ANTXR2: variants seen among roughly 807,000 people sequenced by gnomAD.
The protein encoded by ANTXR2 is ANTXR cell adhesion molecule 2.
In ANTXR2, 44 loss-of-function variants were observed where a neutral mutation model predicts 73.7. The ratio of observed to expected loss-of-function variants is 0.60; its 90% CI spans 0.47 to 0.77. ANTXR2 has a LOEUF of 0.77. Ranked by LOEUF, ANTXR2 falls within the 30% of genes least tolerant of loss-of-function variation. ANTXR2 has a pLI of 0.00. For synonymous variants in ANTXR2, 217 were observed against 205.9 expected, an observed-to-expected ratio of 1.05 and a Z score of -0.46; for missense variants, 604 against 592.5, an observed-to-expected ratio of 1.02 and a Z score of -0.20.
intron 12 of ANTXR2, among the ~76,000 whole-genome samples, chr4:79,995,052 T>C (rs531807646): frequency 2.0e-5 from 3 of 152,070 alleles, no homozygotes; most frequent in Admixed American, 6.6e-5. Flanking sequence ...CTTCACAGAG[T>C]AGCCCACCAA....
chr4:79,983,714 A>C (rs563993626), intron 14 of ANTXR2, among the ~76,000 whole-genome samples, 164 bp downstream of exon 14: 8 of 152,244 alleles, frequency 5.3e-5, no homozygotes, highest in Admixed American at 3.9e-4. Context: ...TGCAGCGGCT[A>C]GGATGATTCC....
intron 16 of ANTXR2, among the ~76,000 whole-genome samples, chr4:79,924,391 C>G (rs1727703044): frequency 6.6e-6 from 1 of 151,966 alleles, no homozygotes; most frequent in African/African-American, 2.4e-5. Flanking sequence ...TTTGGGAGGC[C>G]TAGGCAGGAG....
chr4:80,000,754 G>C (rs746352869), intron 12 of ANTXR2, among the ~76,000 whole-genome samples: 1 of 152,028 alleles, frequency 6.6e-6, no homozygotes, highest in Non-Finnish European at 1.5e-5. Flanking sequence ...TATAAAACTG[G>C]TACAGCTAAC....
In ANTXR2 at chr4:80,049,379, T is replaced by C. The variant is rs373450865; in HGVS notation, c.636+4893A>G. The stretch of plus-strand genomic sequence containing the variant: ...TCATTTTCAAATATAAGTCATGCAA[T>C]CACCTTCCCAAGAACACAAAAATAA... On this transcript the variant is annotated intron_variant, in intron 7 of 16. Transcript: ENST00000403729. Among the ~76,000 whole-genome samples, 11 of 151,748 alleles carry C rather than the reference T, an allele frequency of 7.2e-5. No homozygotes were observed. In the East Asian group the frequency reaches 9.7e-4, roughly 13 times the overall value.
intron 7 of ANTXR2, among the ~76,000 whole-genome samples, chr4:80,051,772 A>C (rs1279675434): frequency 6.6e-6 from 1 of 151,694 alleles, no homozygotes; most frequent in African/African-American, 2.4e-5. Flanking sequence ...CAGAACTACT[A>C]CAGTGTTTCT....
At chr4:79,977,314 C>T (rs1214337181) in intron 16 of ANTXR2, among the ~76,000 whole-genome samples, 2 of 152,208 alleles carry the variant, frequency 1.3e-5, no homozygotes, top group Non-Finnish European at 2.9e-5. Context: ...AACTCCCAGT[C>T]TGTTGGAACA....
intron 3 of ANTXR2, among the ~76,000 whole-genome samples, chr4:80,067,015 CTAACACGGTGAAACCCCG>C (rs1432143051): frequency 6.6e-6 from 1 of 152,056 alleles, no homozygotes; most frequent in Non-Finnish European, 1.5e-5. Flanking sequence ...ACCATCCCGG[CTAACACGGTGAAACCCCG>C]TCTCTACTAA....
chr4:80,001,039 C>G (rs1731005151), intron 12 of ANTXR2, among the ~76,000 whole-genome samples: 1 of 151,976 alleles, frequency 6.6e-6, no homozygotes, highest in Non-Finnish European at 1.5e-5. Flanking sequence ...CCTTGTTGCT[C>G]TAAGATTGTA....
chr4:79,975,256 A>G (rs1317001983), intron 16 of ANTXR2, among the ~76,000 whole-genome samples: 1 of 152,120 alleles, frequency 6.6e-6, no homozygotes, highest in Non-Finnish European at 1.5e-5. Context: ...GCTAATCTTT[A>G]CTTTCCTATG....
intron 11 of ANTXR2, among the ~76,000 whole-genome samples, chr4:80,009,623 G>C (rs1005135283): frequency 6.6e-6 from 1 of 152,046 alleles, no homozygotes; most frequent in Admixed American, 6.5e-5. Flanking sequence ...GCCGAGGCAG[G>C]TGATCACGAG....
chr4:80,036,409 T>C (rs1438536028), intron 7 of ANTXR2, among the ~76,000 whole-genome samples: 3 of 152,222 alleles, frequency 2.0e-5, no homozygotes, highest in African/African-American at 4.8e-5. Flanking sequence ...AGACCCCCTG[T>C]TTAGTAATGC....
chr4:79,963,791 G>A (rs938408231), intron 16 of ANTXR2, among the ~76,000 whole-genome samples: 5 of 152,124 alleles, frequency 3.3e-5, no homozygotes, highest in African/African-American at 1.2e-4. Context: ...GCAAAATTAA[G>A]GAGTTTTTGC....
intron 7 of ANTXR2, among the ~76,000 whole-genome samples, chr4:80,036,510 A>G (rs1480271278): frequency 3.9e-5 from 6 of 152,116 alleles, no homozygotes; most frequent in Admixed American, 3.3e-4. Flanking sequence ...TCAATAAAAA[A>G]GCACTTCTGA....
chr4:80,069,198 A>T, intron 3 of ANTXR2, among the ~76,000 whole-genome samples: 1 of 141,714 alleles, frequency 7.1e-6, no homozygotes, highest in East Asian at 2.1e-4. Context: ...TGAATATACA[A>T]CTAAGACAGG....
At chr4:80,008,464 C>T in intron 12 of ANTXR2, 57 bp downstream of exon 12, 2 of 1,381,916 alleles carry the variant, frequency 1.4e-6, no homozygotes, top group Non-Finnish European at 2.0e-6. Context: ...TATTTCAGAC[C>T]TTACTTTACA....
chr4:79,916,404 T>C (rs1170480828), intron 16 of ANTXR2, among the ~76,000 whole-genome samples: 3 of 152,146 alleles, frequency 2.0e-5, no homozygotes, highest in African/African-American at 4.8e-5. Flanking sequence ...GATATAGATA[T>C]AATCAGGACA....
At position 80,071,979 on chromosome 4, in the gene ANTXR2, A is replaced by T. The variant is rs6839672; in HGVS notation, c.153-325T>A. Among the ~76,000 whole-genome samples, 131 of 152,186 alleles carry T rather than the reference A, an allele frequency of 8.6e-4. 1 individual carries two copies. Among genetic ancestry groups the T allele is most frequent in the African/African-American group, 3.0e-3 (124 of 41,504 alleles). On this transcript the variant is annotated intron_variant, in intron 1 of 16. Transcript: ENST00000403729. ...TTTCTTCGCAGGAAATGCAAACCAC[A>T]TTGGGCATGTTAACCCTAGGCTTTT...
At chr4:80,042,557 C>T (rs1733317839) in intron 7 of ANTXR2, among the ~76,000 whole-genome samples, 1 of 151,978 alleles carries the variant, frequency 6.6e-6, no homozygotes, top group South Asian at 2.1e-4. Flanking sequence ...TCTAAATATG[C>T]TCTCTATATA....
intron 16 of ANTXR2, among the ~76,000 whole-genome samples, chr4:79,963,401 T>C (rs543395564): frequency 6.6e-6 from 1 of 152,162 alleles, no homozygotes; most frequent in Non-Finnish European, 1.5e-5. Flanking sequence ...AATTGGAGGA[T>C]TGAGATAGTG....
Sources: gnomAD v4.1 joint callset for allele counts (sites outside exome capture counted in the v4.1 genomes callset) on GRCh38, gnomAD v4.1.1 for gene constraint, MANE v1.5 for transcripts, NCBI Gene and HGNC (gene_info 2026-07-23, HGNC 2026-07-21) for gene names.